The following FMN2 variants were observed in gnomAD, a reference collection of about 807,000 sequenced individuals.
The protein encoded by FMN2 is formin-2.
FMN2 carries 51 observed loss-of-function variants against 142.3 expected under a neutral mutation model. That is an observed-to-expected ratio of 0.36 (90% CI 0.29 to 0.45). The LOEUF (loss-of-function observed/expected upper bound fraction) is 0.45, where lower values mean the gene tolerates loss of function less well. Among genes scored for constraint, FMN2 ranks in the 20% least tolerant of loss-of-function variants. The probability of loss-of-function intolerance (pLI) is 1.00; values close to 1 mark genes in which losing one functional copy is unlikely to be tolerated. For synonymous variants in FMN2, 882 were observed against 869.8 expected, an observed-to-expected ratio of 1.01 and a Z score of -0.25; for missense variants, 1,936 against 2,122.8, an observed-to-expected ratio of 0.91 and a Z score of 1.73.
intron 6 of FMN2, among the ~76,000 whole-genome samples, chr1:240,233,561 T>C (rs1294414547): frequency 6.6e-6 from 1 of 152,066 alleles, no homozygotes; most frequent in Admixed American, 6.6e-5. Context: ...TCATGCTGAG[T>C]TTAAGAGAAA....
chr1:240,204,017 A>G (rs1002740342), intron 4 of FMN2, among the ~76,000 whole-genome samples: 4 of 152,152 alleles, frequency 2.6e-5, no homozygotes, highest in Non-Finnish European at 4.4e-5. Context: ...GTGTGTGTAT[A>G]TATGCCTGAA....
intron 2 of FMN2, 25 bp downstream of exon 2, chr1:240,123,370 C>T: frequency 1.9e-6 from 3 of 1,601,172 alleles, no homozygotes; most frequent in Non-Finnish European, 1.7e-6. Flanking sequence ...TCACTTCTGT[C>T]CGTGAGGCAG....
At chr1:240,427,306 C>T (rs779229774) in intron 15 of FMN2, among the ~76,000 whole-genome samples, 4 of 151,550 alleles carry the variant, frequency 2.6e-5, no homozygotes, top group Non-Finnish European at 5.9e-5. Context: ...CCTGGGTTCA[C>T]GCCATTCTCC....
intron 7 of FMN2, among the ~76,000 whole-genome samples, chr1:240,264,966 A>C (rs966522332): frequency 2.0e-5 from 3 of 152,082 alleles, no homozygotes; most frequent in East Asian, 3.9e-4. Context: ...TTATAGATGG[A>C]GTCTGCCTAG....
chr1:240,373,171 A>T (rs1478778587), intron 14 of FMN2, among the ~76,000 whole-genome samples: 1 of 152,194 alleles, frequency 6.6e-6, no homozygotes, highest in South Asian at 2.1e-4. Context: ...GCGACAGAGC[A>T]AGAGTCCATC....
At chr1:240,142,337 G>C (rs1252095400) in intron 2 of FMN2, among the ~76,000 whole-genome samples, 2 of 152,024 alleles carry the variant, frequency 1.3e-5, no homozygotes, top group African/African-American at 4.8e-5. Context: ...AATGAACCGA[G>C]CTATTTTGAA....
intron 6 of FMN2, among the ~76,000 whole-genome samples, chr1:240,240,594 T>C (rs577619583): frequency 1.3e-5 from 2 of 152,364 alleles, no homozygotes; most frequent in South Asian, 4.1e-4. Context: ...GATATCCAAA[T>C]ATTTTTGGCA....
In FMN2 at chr1:240,207,625, C is replaced by T. The variant is rs754255542; in HGVS notation, c.2813C>T (p.Pro938Leu). The change falls in exon 5 of 18, where the codon CCC becomes CTC. Residue 938 changes from proline to leucine, a missense_variant. Coordinates refer to ENST00000319653, the MANE Select transcript of FMN2 (RefSeq NM_020066.5). Reference sequence around the variant, plus strand: ...GGCATACTCCCTCTGCCCCCTCTACCCGGAGCGGGAATACCTCCTCCGCCC... The same window carrying T: ...GGCATACTCCCTCTGCCCCCTCTACTCGGAGCGGGAATACCTCCTCCGCCC... ...GAGILPLPPL[P>L]GAGIPPPPPL... is the part of the protein sequence containing the mutation. The T allele has an allele frequency of 8.5e-7, 1 of 1,170,366 alleles. No homozygotes were observed. Among genetic ancestry groups the T allele is most frequent in the Non-Finnish European group, 1.1e-6 (1 of 894,928 alleles). The allele number at this position is 1,170,366 out of a possible 1,614,324, so 72.5% of individuals were successfully genotyped here.
At chr1:240,324,661 C>A (rs1337814704) in intron 8 of FMN2, among the ~76,000 whole-genome samples, 1 of 141,152 alleles carries the variant, frequency 7.1e-6, no homozygotes, top group Admixed American at 7.3e-5. Context: ...AGAGTGAGAC[C>A]CTGTCGAAAG....
At chr1:240,455,728 C>A (rs1161013506) in intron 16 of FMN2, among the ~76,000 whole-genome samples, 1 of 152,094 alleles carries the variant, frequency 6.6e-6, no homozygotes, top group Non-Finnish European at 1.5e-5. Context: ...GTAATCCCAG[C>A]ACTTTGGGAG....
chr1:240,177,457 C>T (rs938087900), intron 2 of FMN2, among the ~76,000 whole-genome samples: 3 of 151,578 alleles, frequency 2.0e-5, no homozygotes, highest in African/African-American at 7.3e-5. Flanking sequence ...TTTCCTGGGC[C>T]TTTTGTGGTT....
At chr1:240,361,186 A>ATAT (rs1672469324) in intron 14 of FMN2, among the ~76,000 whole-genome samples, 1 of 82,250 alleles carries the variant, frequency 1.2e-5, no homozygotes, top group Non-Finnish European at 3.0e-5. Context: ...TATATATATA[A>ATAT]AAGAGTTTAA....
chr1:240,126,364 A>ACCCCC (rs367989696), intron 2 of FMN2, among the ~76,000 whole-genome samples: 2 of 129,618 alleles, frequency 1.5e-5, no homozygotes, highest in Admixed American at 7.9e-5. Context: ...CTTCCTACCT[A>ACCCCC]CCCCCCCCCA....
intron 7 of FMN2, among the ~76,000 whole-genome samples, chr1:240,282,400 A>T (rs1203312295): frequency 1.3e-5 from 2 of 152,222 alleles, no homozygotes; most frequent in African/African-American, 4.8e-5. Flanking sequence ...TTACTGTTTA[A>T]ACTAGAGCTT....
At chr1:240,339,272 T>G (rs1671668019) in intron 13 of FMN2, among the ~76,000 whole-genome samples, 1 of 152,148 alleles carries the variant, frequency 6.6e-6, no homozygotes, top group African/African-American at 2.4e-5. Context: ...TGATAAGATG[T>G]TTTGAGACAG....
rs528102821 is a variant in FMN2, at chr1:240,230,950, G to T, written c.4065+19715G>T. ...CTTCAATGGCCTAGATCGGCACAAGGCTCCATAGAAATTGGCTTTGAGTTG... is the reference window on the plus strand; with the variant it reads ...CTTCAATGGCCTAGATCGGCACAAGTCTCCATAGAAATTGGCTTTGAGTTG... On this transcript the variant is annotated intron_variant, in intron 6 of 17. Transcript: ENST00000319653. Among the ~76,000 whole-genome samples the T allele has an allele frequency of 1.5e-5, 2 of 131,748 alleles. 1 individual carries two copies. The highest frequency in any genetic ancestry group is 4.5e-4 in the East Asian group (2 of 4,470). The allele number at this position is 131,748 out of a possible 152,430, so 86.4% of individuals were successfully genotyped here.
chr1:240,198,570 C>T (rs191096481), intron 4 of FMN2, among the ~76,000 whole-genome samples: 1 of 152,262 alleles, frequency 6.6e-6, no homozygotes, highest in East Asian at 1.9e-4. Context: ...GTGTGAGGCT[C>T]TTTCCCATAA....
intron 8 of FMN2, among the ~76,000 whole-genome samples, chr1:240,323,303 TTGTGC>T (rs1671045895): frequency 1.3e-5 from 2 of 152,094 alleles, no homozygotes; most frequent in African/African-American, 4.8e-5. Flanking sequence ...CAAGCATTTC[TTGTGC>T]CTCAGACTCC....
In FMN2 at chr1:240,368,294, C is replaced by T. The variant is rs183811236; in HGVS notation, c.4858+12386C>T. ...CTATTAGGATTCTGACACAATTACA[C>T]AGGCTATAGATCAGACTGGGTAGAA... On this transcript the variant is annotated intron_variant, in intron 14 of 17. Transcript: ENST00000319653. Among the ~76,000 whole-genome samples the T allele has an allele frequency of 7.2e-5, 11 of 152,306 alleles. No homozygotes were observed. In the East Asian group the frequency reaches 2.1e-3, roughly 29 times the overall value.
Sources: allele counts gnomAD v4.1 joint callset (sites outside exome capture counted in the v4.1 genomes callset), GRCh38; gene constraint gnomAD v4.1.1; transcripts MANE v1.5; gene names NCBI Gene and HGNC (gene_info 2026-07-23, HGNC 2026-07-21).